FBXW8: variants seen among roughly 807,000 people sequenced by gnomAD.
The protein encoded by FBXW8 is F-box/WD repeat-containing protein 8.
FBXW8 carries 57 observed loss-of-function variants against 65.3 expected under a neutral mutation model. The ratio of observed to expected loss-of-function variants is 0.87; its 90% CI spans 0.71 to 1.09. The LOEUF is 1.09. Among genes scored for constraint, FBXW8 ranks in the 50% least tolerant of loss-of-function variants. The pLI, the probability that FBXW8 is intolerant of heterozygous loss-of-function variation, is 0.00. For missense variants in FBXW8, 777 were observed against 814.8 expected (o/e 0.95, Z 0.57); for synonymous variants, 308 against 330.2 (o/e 0.93, Z 0.73).
At chr12:116,992,193 G>A (rs993686464) in intron 7 of FBXW8, among the ~76,000 whole-genome samples, 2 of 152,078 alleles carry the variant, frequency 1.3e-5, no homozygotes, top group African/African-American at 4.8e-5. Flanking sequence ...AAAAGTCTTT[G>A]AATGTAGCTG....
At chr12:116,967,272 G>A (rs1884386735) in intron 5 of FBXW8, among the ~76,000 whole-genome samples, 1 of 151,426 alleles carries the variant, frequency 6.6e-6, no homozygotes, top group Admixed American at 6.6e-5. Flanking sequence ...TTATGTGGCT[G>A]TACCATCATT....
chr12:116,912,076 G>A (rs1484865295), intron 1 of FBXW8, among the ~76,000 whole-genome samples: 2 of 151,946 alleles, frequency 1.3e-5, no homozygotes, highest in Non-Finnish European at 2.9e-5. Flanking sequence ...CCCAGGTTAA[G>A]AGGACAAGGC....
intron 8 of FBXW8, among the ~76,000 whole-genome samples, chr12:117,018,803 A>C (rs1176822147): frequency 6.6e-6 from 1 of 152,224 alleles, no homozygotes; most frequent in Non-Finnish European, 1.5e-5. Context: ...AGGAAAACAG[A>C]TGGCAAACTT....
intron 1 of FBXW8, among the ~76,000 whole-genome samples, chr12:116,915,434 T>C (rs1880325787): frequency 2.0e-5 from 3 of 152,132 alleles, no homozygotes; most frequent in Non-Finnish European, 4.4e-5. Flanking sequence ...AGGGCCTAAA[T>C]ACACAGCTTG....
At chr12:116,926,052 T>C (rs536308908) in intron 1 of FBXW8, among the ~76,000 whole-genome samples, 4 of 152,308 alleles carry the variant, frequency 2.6e-5, no homozygotes, top group African/African-American at 9.6e-5. Context: ...CCAGGCCAGC[T>C]GAGTAGGCAA....
In FBXW8 at chr12:116,998,306, C is replaced by T. The variant is rs367872502; in HGVS notation, c.1239+9437C>T. ...TGTCTTTTGTCTTTATTCACACTTG[C>T]CTAGTTCCTGTATGCCAATAACATC... On this transcript the variant is annotated intron_variant, in intron 7 of 10. Coordinates refer to ENST00000652555, the MANE Select transcript of FBXW8 (RefSeq NM_153348.3). 6.6e-5 allele frequency among the ~76,000 whole-genome samples: 10 copies of T among 152,190 alleles called. No homozygotes were observed. The East Asian group carries it at 1.9e-3, about 29-fold the overall frequency.
chr12:116,972,750 C>T (rs1040735983), intron 5 of FBXW8, among the ~76,000 whole-genome samples: 1 of 152,048 alleles, frequency 6.6e-6, no homozygotes, highest in Non-Finnish European at 1.5e-5. Flanking sequence ...TAGGAGGCAT[C>T]GGTGTGGAAT....
intron 7 of FBXW8, among the ~76,000 whole-genome samples, chr12:116,992,525 T>G (rs1953268284): frequency 6.6e-6 from 1 of 152,082 alleles, no homozygotes; most frequent in African/African-American, 2.4e-5. Flanking sequence ...GTGCTTTTAG[T>G]GTACCTGTCA....
chr12:116,938,819 C>G (rs1882349673), intron 2 of FBXW8, among the ~76,000 whole-genome samples: 1 of 152,184 alleles, frequency 6.6e-6, no homozygotes, highest in Non-Finnish European at 1.5e-5. Flanking sequence ...AAGATTGCTT[C>G]CCCTATTTGG....
rs145020610 is a variant in FBXW8 at position 117,016,672 on chromosome 12, T to C, written c.1367+6222T>C. Among the ~76,000 whole-genome samples the C allele has an allele frequency of 3.4e-3, 514 of 152,072 alleles. 11 individuals carry two copies. The East Asian group carries it at 0.063, about 19-fold the overall frequency. On this transcript the variant is annotated intron_variant, in intron 8 of 10. Transcript: ENST00000652555. ...TTTTTTTTTTTCCTTTTGTCATTTG[T>C]GCTATGGATGTCATAGCTAAGAAAC...
At chr12:116,921,822 C>CTTT (rs11449832) in intron 1 of FBXW8, among the ~76,000 whole-genome samples, 107 of 99,304 alleles carry the variant, frequency 1.1e-3, no homozygotes, top group Non-Finnish European at 1.5e-3. Context: ...GTATTTCTGA[C>CTTT]TTTTTTTTTT....
chr12:116,953,646 G>A (rs1351025509), intron 4 of FBXW8, among the ~76,000 whole-genome samples: 4 of 151,880 alleles, frequency 2.6e-5, no homozygotes, highest in Non-Finnish European at 5.9e-5. Context: ...GGTGGCGAGT[G>A]CCTGTAGTCC....
chr12:116,956,451 C>G (rs1883655488), intron 4 of FBXW8, among the ~76,000 whole-genome samples: 1 of 152,228 alleles, frequency 6.6e-6, no homozygotes, highest in Non-Finnish European at 1.5e-5. Context: ...AGCTGCCAGA[C>G]ATGGCCTGAT....
rs772954599 is a variant in FBXW8, at chr12:117,010,396, T to C, written c.1313T>C (p.Val438Ala). Reference protein sequence around the residue: ...LGNVLRDFTCVNLSDSPPNLM... With the variant: ...LGNVLRDFTCANLSDSPPNLM... ...AACGTTCTCCGTGACTTCACGTGTG[T>C]CAACCTCAGCGACAGCCCTCCCAAC... Residue 438 changes from valine (V) to alanine (A), a missense_variant, in exon 8 of 11, where the codon GTC (valine) becomes GCC (alanine). Val to Ala is a moderately conservative substitution (Grantham distance 64). Coordinates refer to ENST00000652555, the MANE Select transcript of FBXW8 (RefSeq NM_153348.3). 6.2e-7 allele frequency: 1 copy of C among 1,614,156 alleles called. No individual in the cohort carries two copies. The highest frequency in any genetic ancestry group is 1.7e-5 in the Admixed American group (1 of 60,034).
intron 5 of FBXW8, among the ~76,000 whole-genome samples, chr12:116,974,935 A>G (rs140780025): frequency 1.3e-3 from 192 of 152,346 alleles, no homozygotes; most frequent in Middle Eastern, 6.8e-3. Flanking sequence ...GGGCATCTAT[A>G]GGACAGTAGA....
intron 2 of FBXW8, among the ~76,000 whole-genome samples, chr12:116,940,230 C>T (rs1882465748): frequency 6.6e-6 from 1 of 151,326 alleles, no homozygotes; most frequent in Non-Finnish European, 1.5e-5. Flanking sequence ...AGCTAGAGCC[C>T]TATCTTTAGC....
chr12:117,020,751 C>G (rs1954074402), intron 8 of FBXW8, among the ~76,000 whole-genome samples: 1 of 152,198 alleles, frequency 6.6e-6, no homozygotes, highest in South Asian at 2.1e-4. Flanking sequence ...TTGCCAGCAG[C>G]CTCCCCTCCC....
At chr12:116,959,979 A>G (rs1227831016) in intron 4 of FBXW8, among the ~76,000 whole-genome samples, 1 of 152,208 alleles carries the variant, frequency 6.6e-6, no homozygotes, top group Non-Finnish European at 1.5e-5. Context: ...TGTACTTTGC[A>G]CAGACGCTAA....
intron 7 of FBXW8, among the ~76,000 whole-genome samples, chr12:116,998,226 T>C (rs1185926123): frequency 2.0e-5 from 3 of 152,264 alleles, no homozygotes; most frequent in African/African-American, 7.2e-5. Flanking sequence ...TCACTTCATA[T>C]GAAACCCTTC....
Sources: allele counts gnomAD v4.1 joint callset (sites outside exome capture counted in the v4.1 genomes callset), GRCh38; gene constraint gnomAD v4.1.1; transcripts MANE v1.5; gene names NCBI Gene and HGNC (gene_info 2026-07-23, HGNC 2026-07-21).